The following NRSN1 variants were observed in gnomAD, a reference collection of about 807,000 sequenced individuals.
NRSN1 encodes the protein neurensin-1.
In NRSN1, 14 loss-of-function variants were observed where a neutral mutation model predicts 17.3. That is an observed-to-expected ratio of 0.81 (90% CI 0.54 to 1.27). NRSN1 has a LOEUF of 1.27. Ranked by LOEUF, NRSN1 falls within the 50% of genes most tolerant of loss-of-function variation. The probability of loss-of-function intolerance (pLI) is 0.00; values close to 1 mark genes in which losing one functional copy is unlikely to be tolerated. For synonymous variants in NRSN1, 79 were observed against 94.2 expected (o/e 0.84, Z 0.93); for missense variants, 209 against 235.9 (o/e 0.89, Z 0.75).
rs1423303941 is a variant in NRSN1, at chr6:24,145,233, CTT to C, written c.190-313_190-312del. On this transcript the variant is annotated intron_variant, in intron 3 of 3. Coordinates refer to ENST00000378491, the MANE Select transcript of NRSN1 (RefSeq NM_080723.5). The surrounding 1 kb of genome is among the most constrained non-coding windows in gnomAD (Gnocchi z 4.4). ...TAGATAATATAAAGATTATATATAT[CTT>C]TAGATAATATAAAGATTATATATAT... Among the ~76,000 whole-genome samples, 1 of 143,688 alleles carries C rather than the reference CTT, an allele frequency of 7.0e-6. No individual in the cohort carries two copies. The highest frequency in any genetic ancestry group is 7.0e-5 in the Admixed American group (1 of 14,200). 94.3% of individuals were successfully genotyped at this position (143,688 alleles called of 152,430 possible). A position where few individuals can be genotyped will look rare whatever the true frequency, so the allele number is the denominator to read the frequency against.
chr6:24,145,950 C>T lies in NRSN1; in HGVS notation c.*4C>T. Reference sequence around the variant, plus strand: ...CCAGCCTCTACTGGCAACCTGAAACCTTTCCCACCCCAGTTCTTCTTGTCT... The same window carrying T: ...CCAGCCTCTACTGGCAACCTGAAACTTTTCCCACCCCAGTTCTTCTTGTCT... On this transcript the variant is annotated 3_prime_UTR_variant, in exon 4 of 4. Transcript: ENST00000378491. The surrounding 1 kb of genome is among the most constrained non-coding windows in gnomAD (Gnocchi z 4.4). The T allele has an allele frequency of 1.3e-6, 2 of 1,595,962 alleles. No homozygotes were observed. The highest frequency in any genetic ancestry group is 1.1e-5 in the South Asian group (1 of 88,096).
rs1307613371 is a variant in NRSN1 at position 24,135,552 on chromosome 6, G to A, written c.189+1036G>A. Among the ~76,000 whole-genome samples the A allele has an allele frequency of 2.0e-5, 3 of 152,216 alleles. No individual in the cohort carries two copies. In the East Asian group the frequency reaches 5.8e-4, roughly 29 times the overall value. On this transcript the variant is annotated intron_variant, in intron 3 of 3. Coordinates refer to ENST00000378491, the MANE Select transcript of NRSN1 (RefSeq NM_080723.5). The stretch of plus-strand genomic sequence containing the variant: ...CTTGGGTTTTTACTTCGAGAGACAT[G>A]GGAAGCTACTGGAAGAGGTTGATAA...
chr6:24,128,841 G>C (rs1483301715), intron 2 of NRSN1: 1 of 152,164 alleles, frequency 6.6e-6, no homozygotes, highest in Admixed American at 6.5e-5. Context: ...ATAGAACAGG[G>C]CCTGTGCCTG....
intron 2 of NRSN1, chr6:24,129,008 C>T (rs1222627770): frequency 6.6e-6 from 1 of 152,136 alleles, no homozygotes; most frequent in African/African-American, 2.4e-5. Context: ...AGGCTATGAA[C>T]ATTTATAAAG....
chr6:24,129,636 G>T (rs764324005), intron 2 of NRSN1: 5 of 152,198 alleles, frequency 3.3e-5, no homozygotes, highest in Non-Finnish European at 7.4e-5. Context: ...AAGCCTCTCA[G>T]AAGAATTTGA....
chr6:24,130,723 CATACTAGT>C (rs1439887230), intron 2 of NRSN1, among the ~76,000 whole-genome samples: 1 of 152,038 alleles, frequency 6.6e-6, no homozygotes, highest in African/African-American at 2.4e-5. Flanking sequence ...AAGCTGCATA[CATACTAGT>C]ATAAAGTAAG....
rs1484150562 is a variant in NRSN1 at position 24,142,212 on chromosome 6, T to TTTTTTTC, written c.190-3334_190-3333insTTTTCTT. 1.6e-3 allele frequency among the ~76,000 whole-genome samples: 215 copies of TTTTTTTC among 134,560 alleles called. 9 individuals are homozygous for TTTTTTTC. Among genetic ancestry groups the TTTTTTTC allele is most frequent in the African/African-American group, 5.2e-3 (195 of 37,658 alleles). The allele number at this position is 134,560 out of a possible 152,430, so 88.3% of individuals were successfully genotyped here. On this transcript the variant is annotated intron_variant, in intron 3 of 3. Coordinates refer to ENST00000378491, the MANE Select transcript of NRSN1 (RefSeq NM_080723.5). Reference sequence around the variant, plus strand: ...ACAGCTTTTTTTTTTTTTTTTTTTTTTTCAGAAGACATCCTATTGACTCTT... The same window carrying TTTTTTTC: ...ACAGCTTTTTTTTTTTTTTTTTTTTTTTTTTTCTTCAGAAGACATCCTATTGACTCTT...
chr6:24,145,101 T>A lies in NRSN1; in HGVS notation c.190-447T>A, dbSNP rs2113718871. ...ATATATATTATATATTTTATATATATCTTTAGATATATATATAATATACAT... is the reference window on the plus strand; with the variant it reads ...ATATATATTATATATTTTATATATAACTTTAGATATATATATAATATACAT... On this transcript the variant is annotated intron_variant, in intron 3 of 3. Transcript: ENST00000378491. The surrounding 1 kb of genome is among the most constrained non-coding windows in gnomAD (Gnocchi z 4.4). Among the ~76,000 whole-genome samples the A allele has an allele frequency of 6.9e-6, 1 of 145,230 alleles. No homozygotes were observed. Among genetic ancestry groups the A allele is most frequent in the East Asian group, 2.0e-4 (1 of 5,104 alleles).
At position 24,146,130 on chromosome 6, in the gene NRSN1, C is replaced by A; in HGVS notation, c.*184C>A. The A allele has an allele frequency of 1.4e-6, 1 of 734,926 alleles. No homozygotes were observed. The highest frequency in any genetic ancestry group is 2.5e-6 in the Non-Finnish European group (1 of 401,230). 45.5% of individuals were successfully genotyped at this position (734,926 alleles called of 1,614,324 possible). A position where few individuals can be genotyped will look rare whatever the true frequency, so the allele number is the denominator to read the frequency against. ...GCTCTGCTGGAGGGCGGTGCCATGC[C>A]TAAGCCTGTGCACATGCATCCAGCT... On this transcript the variant is annotated 3_prime_UTR_variant, in exon 4 of 4. Transcript: ENST00000378491.
In NRSN1 at chr6:24,134,506, T is replaced by C. The variant is rs761190107; in HGVS notation, c.179T>C (p.Val60Ala). Residue 60 changes from valine (V) to alanine (A), a missense_variant, in exon 3 of 4, where the codon GTA (valine) becomes GCA (alanine). Transcript: ENST00000378491. ...IQRSPNRWSS[V>A]FWKVGLISGT... is the part of the protein sequence containing the mutation. ...AGATCACCTAACAGGTGGAGCTCAG[T>C]ATTCTGGAAGGTAAGGAAGGAGCAT... 35 of 1,613,708 alleles carry C rather than the reference T, an allele frequency of 2.2e-5. No homozygotes were observed. Among genetic ancestry groups the C allele is most frequent in the Non-Finnish European group, 3.0e-5 (35 of 1,179,824 alleles).
intron 3 of NRSN1, among the ~76,000 whole-genome samples, chr6:24,137,522 T>A (rs866977153): frequency 4.0e-5 from 6 of 151,686 alleles, no homozygotes; most frequent in African/African-American, 1.5e-4. Context: ...AGATTGTTGT[T>A]GTTTTTTTTT....
Position 24,145,991 on chromosome 6 carries a change from T to C in NRSN1, c.*45T>C, listed in dbSNP as rs772163873. 1 of 1,562,574 alleles carries C rather than the reference T, an allele frequency of 6.4e-7. No homozygotes were observed. The highest frequency in any genetic ancestry group is 8.7e-7 in the Non-Finnish European group (1 of 1,151,556). Reference sequence around the variant, plus strand: ...CTTCTTGTCTGATTTATGCCCGTGGTTAAAAAGAGCAGGCCAGTTTTCGAG... The same window carrying C: ...CTTCTTGTCTGATTTATGCCCGTGGCTAAAAAGAGCAGGCCAGTTTTCGAG... On this transcript the variant is annotated 3_prime_UTR_variant, in exon 4 of 4. Transcript: ENST00000378491. The surrounding 1 kb of genome is among the most constrained non-coding windows in gnomAD (Gnocchi z 4.4).
At chr6:24,127,296 G>A (rs1759964253) in intron 1 of NRSN1, among the ~76,000 whole-genome samples, 1 of 152,266 alleles carries the variant, frequency 6.6e-6, no homozygotes, top group Non-Finnish European at 1.5e-5. Context: ...GGGTCTTGAC[G>A]ATTTGGCTTT....
intron 3 of NRSN1, among the ~76,000 whole-genome samples, chr6:24,137,874 A>C (rs4285310): frequency 0.53 from 80,580 of 151,754 alleles, 22,391 homozygotes; most frequent in East Asian, 0.78. Flanking sequence ...CACATGTGAG[A>C]AAGCAGGAAC....
chr6:24,140,300 A>C (rs573223012), intron 3 of NRSN1, among the ~76,000 whole-genome samples: 1 of 152,250 alleles, frequency 6.6e-6, no homozygotes, highest in South Asian at 2.1e-4. Flanking sequence ...AGGCAGTTGA[A>C]TGTGTTTATG....
In NRSN1 at chr6:24,145,300, A is replaced by AAT. The variant is rs1279166256; in HGVS notation, c.190-237_190-236dup. Reference sequence around the variant, plus strand: ...AATATATGTATATCTTTAGATATATAATATATATATATGATATATACATAT... The same window carrying AAT: ...AATATATGTATATCTTTAGATATATAATATATATATATATGATATATACATAT... On this transcript the variant is annotated intron_variant, in intron 3 of 3. Coordinates refer to ENST00000378491, the MANE Select transcript of NRSN1 (RefSeq NM_080723.5). The surrounding 1 kb of genome is among the most constrained non-coding windows in gnomAD (Gnocchi z 4.4). Among the ~76,000 whole-genome samples, 9 of 147,438 alleles carry AAT rather than the reference A, an allele frequency of 6.1e-5. No homozygotes were observed. Among genetic ancestry groups the AAT allele is most frequent in the South Asian group, 2.1e-4 (1 of 4,764 alleles).
intron 3 of NRSN1, among the ~76,000 whole-genome samples, chr6:24,136,892 G>T (rs1287925149): frequency 1.3e-5 from 2 of 152,174 alleles, no homozygotes; most frequent in African/African-American, 4.8e-5. Flanking sequence ...CACTGTCTTA[G>T]AGACCTCATC....
rs1760306498 is a variant in NRSN1 at position 24,146,400 on chromosome 6, A to T, written c.*454A>T. 5.1e-6 allele frequency: 2 copies of T among 390,648 alleles called. No individual in the cohort carries two copies. The highest frequency in any genetic ancestry group is 1.0e-5 in the Non-Finnish European group (2 of 190,918). 24.2% of individuals were successfully genotyped at this position (390,648 alleles called of 1,614,324 possible). A position where few individuals can be genotyped will look rare whatever the true frequency, so the allele number is the denominator to read the frequency against. On this transcript the variant is annotated 3_prime_UTR_variant, in exon 4 of 4. Coordinates refer to ENST00000378491, the MANE Select transcript of NRSN1 (RefSeq NM_080723.5). ...GATTTTGTCATATGTGTTCATAGAA[A>T]CATGGAATTCTCTGATTTTGAGCCG...
chr6:24,141,699 A>G (rs1760206651), intron 3 of NRSN1, among the ~76,000 whole-genome samples: 1 of 152,246 alleles, frequency 6.6e-6, no homozygotes, highest in Admixed American at 6.5e-5. Context: ...TCTGAATGAT[A>G]GTCCAGGAGT....
Sources: allele counts gnomAD v4.1 joint callset (sites outside exome capture counted in the v4.1 genomes callset), GRCh38; gene constraint gnomAD v4.1.1; non-coding constraint Gnocchi (gnomAD v3.1); transcripts MANE v1.5; gene names NCBI Gene and HGNC (gene_info 2026-07-23, HGNC 2026-07-21).